The following PRKD1 variants were observed in gnomAD, a reference collection of about 807,000 sequenced individuals.
PRKD1 encodes serine/threonine-protein kinase D1.
PRKD1 carries 63 observed loss-of-function variants against 95.9 expected under a neutral mutation model. The observed-to-expected ratio is 0.66, with a 90% CI of 0.54 to 0.81. PRKD1 has a LOEUF of 0.81. Ranked by LOEUF, PRKD1 falls within the 30% of genes least tolerant of loss-of-function variation. PRKD1 has a pLI of 0.00. For synonymous variants in PRKD1, 425 were observed against 423.1 expected (o/e 1.00, Z -0.05); for missense variants, 1,048 against 1,165.3 (o/e 0.90, Z 1.47).
intron 4 of PRKD1, among the ~76,000 whole-genome samples, chr14:29,656,723 C>T (rs2139192589): frequency 6.6e-6 from 1 of 152,166 alleles, no homozygotes; most frequent in South Asian, 2.1e-4. Flanking sequence ...GAACTATAGA[C>T]ACTAAGTAAA....
At chr14:29,689,346 C>T (rs193201073) in intron 2 of PRKD1, among the ~76,000 whole-genome samples, 2 of 152,034 alleles carry the variant, frequency 1.3e-5, no homozygotes, top group East Asian at 3.9e-4. Flanking sequence ...AGCCAATAAA[C>T]ATTTTTTAAA....
intron 2 of PRKD1, among the ~76,000 whole-genome samples, chr14:29,692,693 T>C (rs1884305092): frequency 6.6e-6 from 1 of 152,174 alleles, no homozygotes; most frequent in Non-Finnish European, 1.5e-5. Context: ...ATCCTCATCT[T>C]CACTAATTCA....
intron 1 of PRKD1, among the ~76,000 whole-genome samples, chr14:29,899,944 G>C (rs368408474): frequency 9.9e-4 from 151 of 152,324 alleles, no homozygotes; most frequent in Non-Finnish European, 1.8e-3. Flanking sequence ...CATGAGATCT[G>C]ATGGTTTTAT....
chr14:29,609,537 CAT>C lies in PRKD1; in HGVS notation c.1906-9722_1906-9721del, dbSNP rs1347728459. Among the ~76,000 whole-genome samples, 178 of 142,802 alleles carry C rather than the reference CAT, an allele frequency of 1.2e-3. 2 individuals carry two copies. Among genetic ancestry groups the C allele is most frequent in the South Asian group, 3.7e-3 (17 of 4,640 alleles). 93.7% of individuals were successfully genotyped at this position (142,802 alleles called of 152,430 possible). A position where few individuals can be genotyped will look rare whatever the true frequency, so the allele number is the denominator to read the frequency against. On this transcript the variant is annotated intron_variant, in intron 13 of 17. Coordinates refer to ENST00000331968, the MANE Select transcript of PRKD1 (RefSeq NM_002742.3). ...ACACACACACACACACACACACACACATATATATATTTTAATTTTTTGAGACA... is the reference window on the plus strand; with the variant it reads ...ACACACACACACACACACACACACACATATATATTTTAATTTTTTGAGACA...
chr14:29,860,915 A>C (rs771459138), intron 1 of PRKD1, among the ~76,000 whole-genome samples: 2 of 152,172 alleles, frequency 1.3e-5, no homozygotes, highest in Non-Finnish European at 2.9e-5. Flanking sequence ...CTTTTCCCAG[A>C]TCTTTATCTT....
Position 29,879,286 on chromosome 14 carries a change from G to A in PRKD1, c.264+47963C>T, listed in dbSNP as rs535271292. Among the ~76,000 whole-genome samples, 31 of 152,312 alleles carry A rather than the reference G, an allele frequency of 2.0e-4. 1 individual carries two copies. The highest frequency in any genetic ancestry group is 1.2e-3 in the South Asian group (6 of 4,826). On this transcript the variant is annotated intron_variant, in intron 1 of 17. Coordinates refer to ENST00000331968, the MANE Select transcript of PRKD1 (RefSeq NM_002742.3). ...AGAATTCCCACATGTGGGAGGGACC[G>A]CGGTGGGGCGCGGGTAATTTAATCC...
intron 1 of PRKD1, among the ~76,000 whole-genome samples, chr14:29,807,869 G>T (rs547306749): frequency 1.3e-5 from 2 of 151,768 alleles, no homozygotes; most frequent in South Asian, 4.2e-4. Context: ...TTACAGGTGT[G>T]TGCCACCAAG....
At chr14:29,586,699 T>C (rs1183814258) in intron 16 of PRKD1, among the ~76,000 whole-genome samples, 1 of 152,188 alleles carries the variant, frequency 6.6e-6, no homozygotes, top group African/African-American at 2.4e-5. Context: ...TGGAGTGCAA[T>C]GGCGTGATCT....
intron 2 of PRKD1, among the ~76,000 whole-genome samples, chr14:29,693,005 G>C (rs776440988): frequency 6.6e-6 from 1 of 152,116 alleles, no homozygotes; most frequent in Non-Finnish European, 1.5e-5. Context: ...TTTCCTAAAC[G>C]ATTGCTCAGT....
At chr14:29,635,033 G>GA (rs538015508) in intron 7 of PRKD1, among the ~76,000 whole-genome samples, 3,433 of 141,802 alleles carry the variant, frequency 0.024, 151 homozygotes, top group South Asian at 0.19. Flanking sequence ...GACTCCATCT[G>GA]AAAAAAAAAA....
chr14:29,717,507 A>T (rs1276342574), intron 2 of PRKD1, among the ~76,000 whole-genome samples: 1 of 152,158 alleles, frequency 6.6e-6, no homozygotes, highest in Non-Finnish European at 1.5e-5. Flanking sequence ...ACTGAAAATC[A>T]ACTACTTATG....
intron 1 of PRKD1, among the ~76,000 whole-genome samples, chr14:29,797,795 T>C (rs1266491745): frequency 1.3e-5 from 2 of 152,182 alleles, no homozygotes; most frequent in Admixed American, 1.3e-4. Flanking sequence ...GCCCATAAAG[T>C]GGAACAGATT....
At chr14:29,656,623 A>G (rs909399226) in intron 4 of PRKD1, 12 of 1,158,212 alleles carry the variant, frequency 1.0e-5, no homozygotes, top group Non-Finnish European at 1.5e-5. Flanking sequence ...TCATATAGGC[A>G]TGCTTTCAAA....
chr14:29,791,888 T>G (rs541185049), intron 1 of PRKD1, among the ~76,000 whole-genome samples: 15 of 152,118 alleles, frequency 9.9e-5, no homozygotes, highest in Non-Finnish European at 2.2e-4. Context: ...TGACAGGTAT[T>G]TGTTTAATAT....
chr14:29,636,170 T>C, intron 7 of PRKD1, 120 bp downstream of exon 7: 1 of 1,223,688 alleles, frequency 8.2e-7, no homozygotes, highest in South Asian at 1.3e-5. Context: ...AGTTCATTCA[T>C]ATAAAAGTAA....
chr14:29,722,727 T>C (rs1036828457), intron 2 of PRKD1, among the ~76,000 whole-genome samples: 24 of 152,250 alleles, frequency 1.6e-4, no homozygotes, highest in Admixed American at 8.5e-4. Flanking sequence ...GTGTGTCCTA[T>C]GTGGCTCGGG....
chr14:29,678,181 G>A (rs1883340458), intron 2 of PRKD1, among the ~76,000 whole-genome samples: 1 of 151,782 alleles, frequency 6.6e-6, no homozygotes, highest in African/African-American at 2.4e-5. Context: ...TTGCATCCAG[G>A]AGACAAAAAT....
chr14:29,829,099 T>A lies in PRKD1; in HGVS notation c.264+98150A>T, dbSNP rs375837362. 2.6e-5 allele frequency among the ~76,000 whole-genome samples: 4 copies of A among 152,226 alleles called. No individual in the cohort carries two copies. The East Asian group carries it at 7.7e-4, about 29-fold the overall frequency. On this transcript the variant is annotated intron_variant, in intron 1 of 17. Coordinates refer to ENST00000331968, the MANE Select transcript of PRKD1 (RefSeq NM_002742.3). Reference sequence around the variant, plus strand: ...AGGCCATGGCCCAGGCAAACCCAAATCCATAATCATCCCTGGCCACAAGCC... The same window carrying A: ...AGGCCATGGCCCAGGCAAACCCAAAACCATAATCATCCCTGGCCACAAGCC...
At chr14:29,775,334 G>A (rs915332425) in intron 1 of PRKD1, among the ~76,000 whole-genome samples, 19 of 152,202 alleles carry the variant, frequency 1.2e-4, no homozygotes, top group Admixed American at 1.0e-3. Flanking sequence ...AATGAGAGTC[G>A]AAGCAGGGCG....
Sources: allele counts gnomAD v4.1 joint callset (sites outside exome capture counted in the v4.1 genomes callset), GRCh38; gene constraint gnomAD v4.1.1; transcripts MANE v1.5; gene names NCBI Gene and HGNC (gene_info 2026-07-23, HGNC 2026-07-21).